GPR158: variants seen among roughly 807,000 people sequenced by gnomAD.
GPR158 encodes the protein G protein-coupled receptor 158, also known as metabotropic glycine receptor.
In GPR158, 30 loss-of-function variants were observed where a neutral mutation model predicts 78.2. That is an observed-to-expected ratio of 0.38 (90% CI 0.29 to 0.52). The LOEUF (loss-of-function observed/expected upper bound fraction) is 0.52, where lower values mean the gene tolerates loss of function less well. Among genes scored for constraint, GPR158 ranks in the 20% least tolerant of loss-of-function variants. The pLI is 0.83. For synonymous variants in GPR158, 581 were observed against 591.1 expected, an observed-to-expected ratio of 0.98 and a Z score of 0.25; for missense variants, 1,463 against 1,523.5, an observed-to-expected ratio of 0.96 and a Z score of 0.66.
At chr10:25,534,865 T>TA in intron 5 of GPR158, among the ~76,000 whole-genome samples, 1 of 142,286 alleles carries the variant, frequency 7.0e-6, no homozygotes, top group East Asian at 2.2e-4. Context: ...TTTAAAACAT[T>TA]ACAATAAAAA....
chr10:25,544,721 T>G (rs1406932917), intron 5 of GPR158, among the ~76,000 whole-genome samples: 4 of 152,218 alleles, frequency 2.6e-5, no homozygotes, highest in Non-Finnish European at 5.9e-5. Flanking sequence ...TAATATTTTT[T>G]GTTATACTTT....
intron 1 of GPR158, among the ~76,000 whole-genome samples, chr10:25,193,057 T>C (rs1852795243): frequency 6.6e-6 from 1 of 152,186 alleles, no homozygotes; most frequent in African/African-American, 2.4e-5. Flanking sequence ...ATGGGTTTAC[T>C]GGGATGGGTT....
chr10:25,570,935 G>C (rs1007680253), intron 6 of GPR158, among the ~76,000 whole-genome samples: 1 of 151,900 alleles, frequency 6.6e-6, no homozygotes, highest in African/African-American at 2.4e-5. Context: ...AAATAAAATA[G>C]AGTAGTCTCC....
chr10:25,443,943 T>C (rs1323264883), intron 4 of GPR158, among the ~76,000 whole-genome samples: 3 of 152,054 alleles, frequency 2.0e-5, no homozygotes, highest in African/African-American at 7.2e-5. Context: ...CAGTTTTGGG[T>C]ATGTTCCCTG....
chr10:25,437,652 A>G (rs1040925562), intron 4 of GPR158, among the ~76,000 whole-genome samples: 1 of 152,198 alleles, frequency 6.6e-6, no homozygotes, highest in African/African-American at 2.4e-5. Flanking sequence ...AAATGAGCCT[A>G]TTAGATTGAT....
At chr10:25,532,761 G>A (rs1050260372) in intron 5 of GPR158, among the ~76,000 whole-genome samples, 1 of 148,050 alleles carries the variant, frequency 6.8e-6, no homozygotes, top group African/African-American at 2.5e-5. Flanking sequence ...AAATACCAAA[G>A]CATATAACTT....
chr10:25,576,310 A>G (rs1340640335), intron 7 of GPR158, among the ~76,000 whole-genome samples: 1 of 152,074 alleles, frequency 6.6e-6, no homozygotes, highest in African/African-American at 2.4e-5. Flanking sequence ...TCGGTTTTTC[A>G]TTCCTGAATT....
At chr10:25,418,516 C>A (rs1834695880) in intron 4 of GPR158, among the ~76,000 whole-genome samples, 1 of 151,918 alleles carries the variant, frequency 6.6e-6, no homozygotes, top group African/African-American at 2.4e-5. Flanking sequence ...CCAGTGTGTT[C>A]TTCTAAAACA....
chr10:25,517,397 T>C (rs1216542502), intron 5 of GPR158, among the ~76,000 whole-genome samples: 1 of 152,078 alleles, frequency 6.6e-6, no homozygotes, highest in Admixed American at 6.5e-5. Flanking sequence ...GGCCAGAACT[T>C]CCAACACTAT....
chr10:25,349,171 T>G (rs891948062), intron 2 of GPR158, among the ~76,000 whole-genome samples: 1 of 151,994 alleles, frequency 6.6e-6, no homozygotes, highest in Non-Finnish European at 1.5e-5. Flanking sequence ...CTTGGTTGTT[T>G]GCAGCTTCTA....
At chr10:25,439,490 T>C (rs1187552378) in intron 4 of GPR158, among the ~76,000 whole-genome samples, 3 of 152,172 alleles carry the variant, frequency 2.0e-5, no homozygotes, top group Non-Finnish European at 2.9e-5. Context: ...TCTGAAAATA[T>C]AGCAGTTGTC....
chr10:25,253,187 G>GCACCCACTGGCCTGCGCC, intron 2 of GPR158, among the ~76,000 whole-genome samples: 1 of 152,340 alleles, frequency 6.6e-6, no homozygotes, highest in Admixed American at 6.5e-5. Flanking sequence ...CACCGTGCGC[G>GCACCCACTGGCCTGCGCC]CACCCACTGG....
At chr10:25,595,163 A>C (rs1290769585) in intron 9 of GPR158, among the ~76,000 whole-genome samples, 1 of 152,146 alleles carries the variant, frequency 6.6e-6, no homozygotes, top group African/African-American at 2.4e-5. Flanking sequence ...CTGAAACCAG[A>C]ATTATGATTT....
At chr10:25,361,853 A>C (rs957847191) in intron 2 of GPR158, among the ~76,000 whole-genome samples, 1 of 151,872 alleles carries the variant, frequency 6.6e-6, no homozygotes, top group Non-Finnish European at 1.5e-5. Context: ...GGACTTCTTT[A>C]TGTATTATAT....
intron 4 of GPR158, among the ~76,000 whole-genome samples, chr10:25,454,390 T>G (rs547879636): frequency 2.6e-5 from 4 of 152,302 alleles, no homozygotes; most frequent in African/African-American, 9.6e-5. Context: ...TTGAAATGTA[T>G]TATATTCTTT....
chr10:25,316,244 G>A (rs1247073936), intron 2 of GPR158, among the ~76,000 whole-genome samples: 6 of 152,070 alleles, frequency 3.9e-5, no homozygotes, highest in Admixed American at 3.9e-4. Flanking sequence ...CAGGTATCTG[G>A]TAGGCTCTCC....
intron 2 of GPR158, among the ~76,000 whole-genome samples, chr10:25,229,570 AG>A (rs1214038178): frequency 6.6e-6 from 1 of 152,204 alleles, no homozygotes; most frequent in East Asian, 1.9e-4. Context: ...AGCTAGGCCA[AG>A]ACAGGTTAAA....
chr10:25,359,064 A>T (rs1373744019), intron 2 of GPR158, among the ~76,000 whole-genome samples: 2 of 151,836 alleles, frequency 1.3e-5, no homozygotes, highest in African/African-American at 4.8e-5. Context: ...GGAGTCTTGA[A>T]GCCTCTTGTT....
intron 1 of GPR158, among the ~76,000 whole-genome samples, chr10:25,206,076 C>G (rs561584017): frequency 4.6e-5 from 7 of 151,828 alleles, no homozygotes; most frequent in African/African-American, 9.7e-5. Flanking sequence ...AACTCTGCCT[C>G]CCAGGTTCAT....
Sources: gnomAD v4.1 joint callset for allele counts (sites outside exome capture counted in the v4.1 genomes callset) on GRCh38, gnomAD v4.1.1 for gene constraint, MANE v1.5 for transcripts, NCBI Gene and HGNC (gene_info 2026-07-23, HGNC 2026-07-21) for gene names.